MAN1A2: variants seen among roughly 807,000 people sequenced by gnomAD.
MAN1A2 encodes mannosyl-oligosaccharide 1,2-alpha-mannosidase IB.
MAN1A2 carries 26 observed loss-of-function variants against 75.7 expected under a neutral mutation model. The ratio of observed to expected loss-of-function variants is 0.34; its 90% CI spans 0.25 to 0.48. The LOEUF (loss-of-function observed/expected upper bound fraction) is 0.48. Among genes scored for constraint, MAN1A2 ranks in the 20% least tolerant of loss-of-function variants. The pLI is 0.99. For synonymous variants in MAN1A2, 247 were observed against 264.6 expected, an observed-to-expected ratio of 0.93 and a Z score of 0.65; for missense variants, 562 against 775.5, an observed-to-expected ratio of 0.72 and a Z score of 3.27.
intron 6 of MAN1A2, among the ~76,000 whole-genome samples, chr1:117,450,729 G>A (rs1406977375): frequency 1.3e-5 from 2 of 152,222 alleles, no homozygotes; most frequent in Non-Finnish European, 2.9e-5. Flanking sequence ...CTCAGACTAT[G>A]GCTTCAGAGG....
chr1:117,462,067 C>T (rs950192652), intron 7 of MAN1A2, among the ~76,000 whole-genome samples: 14 of 152,150 alleles, frequency 9.2e-5, no homozygotes, highest in African/African-American at 3.4e-4. Context: ...TAACAAGTGT[C>T]GCACTGTGGA....
chr1:117,479,293 T>A (rs569842134), intron 8 of MAN1A2, among the ~76,000 whole-genome samples: 1 of 152,148 alleles, frequency 6.6e-6, no homozygotes, highest in East Asian at 1.9e-4. Flanking sequence ...TTTTTATGGC[T>A]GAATAGTATT....
Position 117,368,097 on chromosome 1 carries a change from G to T in MAN1A2, c.-87G>T. ...GAGCAAAATTGAGTTTTCCCATTTT[G>T]GCCAAGATTTTGAAGACAGTTCAAT... On this transcript the variant is annotated 5_prime_UTR_variant, in exon 1 of 13. Coordinates refer to ENST00000356554, the MANE Select transcript of MAN1A2 (RefSeq NM_006699.5). 1 of 1,341,838 alleles carries T rather than the reference G, an allele frequency of 7.5e-7. No homozygotes were observed. The allele number at this position is 1,341,838 out of a possible 1,614,324, so 83.1% of individuals were successfully genotyped here.
At chr1:117,430,646 T>C in intron 5 of MAN1A2, among the ~76,000 whole-genome samples, 1 of 69,390 alleles carries the variant, frequency 1.4e-5, no homozygotes, top group African/African-American at 6.2e-5. Context: ...ACTTCCTAGA[T>C]GTGATGGCGG....
Position 117,385,491 on chromosome 1 carries a change from T to C in MAN1A2, c.303-16695T>C, listed in dbSNP as rs193024290. Among the ~76,000 whole-genome samples the C allele has an allele frequency of 1.6e-3, 242 of 152,288 alleles. 6 individuals carry two copies. Among genetic ancestry groups the C allele is most frequent in the Non-Finnish European group, 5.7e-4 (39 of 68,018 alleles). ...TCATCTACACCATATTCAGAGTAACTTGGAGTGTTAATCATATAGGTAGGA... is the reference window on the plus strand; with the variant it reads ...TCATCTACACCATATTCAGAGTAACCTGGAGTGTTAATCATATAGGTAGGA... On this transcript the variant is annotated intron_variant, in intron 1 of 12. Coordinates refer to ENST00000356554, the MANE Select transcript of MAN1A2 (RefSeq NM_006699.5).
At chr1:117,451,276 C>T (rs1403803459) in intron 6 of MAN1A2, among the ~76,000 whole-genome samples, 1 of 152,182 alleles carries the variant, frequency 6.6e-6, no homozygotes, top group East Asian at 1.9e-4. Context: ...TTTGTTTTGG[C>T]CAATTTATCC....
chr1:117,526,903 T>TATATATATATA lies in MAN1A2; in HGVS notation c.*3952_*3953insATATAATATAT. 1 of 144,006 alleles carries TATATATATATA rather than the reference T, an allele frequency of 6.9e-6. No homozygotes were observed. Among genetic ancestry groups the TATATATATATA allele is most frequent in the African/African-American group, 2.5e-5 (1 of 39,548 alleles). 8.9% of individuals were successfully genotyped at this position (144,006 alleles called of 1,614,324 possible). A position where few individuals can be genotyped will look rare whatever the true frequency, so the allele number is the denominator to read the frequency against. On this transcript the variant is annotated 3_prime_UTR_variant, in exon 13 of 13. Coordinates refer to ENST00000356554, the MANE Select transcript of MAN1A2 (RefSeq NM_006699.5). ...CTCTATATATATATATATATATATA[T>TATATATATATA]ATATATGAGAGATATATGAGATATA...
chr1:117,399,893 A>AC (rs367726142), intron 1 of MAN1A2, among the ~76,000 whole-genome samples: 21 of 152,154 alleles, frequency 1.4e-4, no homozygotes, highest in African/African-American at 5.1e-4. Context: ...TTTTATGGCT[A>AC]CCCTTAGCTG....
At chr1:117,418,246 C>G (rs1333652267) in intron 4 of MAN1A2, among the ~76,000 whole-genome samples, 2 of 152,124 alleles carry the variant, frequency 1.3e-5, no homozygotes, top group African/African-American at 4.8e-5. Context: ...AGAGTTTTAT[C>G]TCTTTTTTGT....
chr1:117,432,702 C>T (rs72691715), intron 5 of MAN1A2, among the ~76,000 whole-genome samples: 1 of 151,934 alleles, frequency 6.6e-6, no homozygotes, highest in Non-Finnish European at 1.5e-5. Context: ...ATCATTCTTC[C>T]CCAGAGGAAC....
rs79250957 is a variant in MAN1A2 at position 117,438,602 on chromosome 1, C to T, written c.856-3629C>T. On this transcript the variant is annotated intron_variant, in intron 5 of 12. Transcript: ENST00000356554. ...AGAGAATTTTCAGTACTGCAGGTTT[C>T]GTTCATGGTCAGTGCCCTGTACAGA... Among the ~76,000 whole-genome samples the T allele has an allele frequency of 6.7e-3, 1,015 of 152,294 alleles. 18 individuals are homozygous for T. The highest frequency in any genetic ancestry group is 0.022 in the African/African-American group (917 of 41,560).
At chr1:117,455,773 G>A (rs1649562548) in intron 6 of MAN1A2, among the ~76,000 whole-genome samples, 1 of 151,880 alleles carries the variant, frequency 6.6e-6, no homozygotes, top group African/African-American at 2.4e-5. Flanking sequence ...GGAAGAGGTA[G>A]AGGGCTTAGA....
intron 10 of MAN1A2, among the ~76,000 whole-genome samples, chr1:117,497,338 T>C (rs998309824): frequency 6.6e-6 from 1 of 151,976 alleles, no homozygotes; most frequent in Admixed American, 6.6e-5. Context: ...TTGACTGACT[T>C]CAGTTATATT....
chr1:117,480,006 G>A (rs1019625569), intron 8 of MAN1A2, among the ~76,000 whole-genome samples: 1 of 151,882 alleles, frequency 6.6e-6, no homozygotes, highest in Admixed American at 6.6e-5. Flanking sequence ...TGTGAATTAT[G>A]AATTTTTCTT....
At chr1:117,407,515 C>T (rs75240834) in intron 3 of MAN1A2, among the ~76,000 whole-genome samples, 41 of 152,098 alleles carry the variant, frequency 2.7e-4, no homozygotes, top group African/African-American at 8.9e-4. Context: ...GATACTGAAC[C>T]TTTGCTTGCA....
At position 117,496,924 on chromosome 1, in the gene MAN1A2, TTATTTAG is replaced by T; in HGVS notation, c.1447_1453del (p.Tyr483SerfsTer2). ...GTTCCAGAGCAGATAAAGCTGGTCA[TTATTTAG>T]AGCTAGGGGCAGAAATTGCACGTAC... is the stretch of plus-strand genomic sequence containing the variant. On this transcript the variant is annotated frameshift_variant, in exon 10 of 13. Coordinates refer to ENST00000356554, the MANE Select transcript of MAN1A2 (RefSeq NM_006699.5). LOFTEE classifies it high-confidence loss of function. 6.2e-7 allele frequency: 1 copy of T among 1,612,620 alleles called. No individual in the cohort carries two copies. The highest frequency in any genetic ancestry group is 8.5e-7 in the Non-Finnish European group (1 of 1,179,152).
chr1:117,512,750 T>TGC (rs1553241969), intron 12 of MAN1A2, among the ~76,000 whole-genome samples: 1 of 143,766 alleles, frequency 7.0e-6, no homozygotes, highest in Admixed American at 7.1e-5. Flanking sequence ...GGCACTGGGA[T>TGC]ACACACACAC....
intron 6 of MAN1A2, among the ~76,000 whole-genome samples, chr1:117,452,792 G>A (rs1649465011): frequency 1.3e-5 from 2 of 152,226 alleles, no homozygotes; most frequent in African/African-American, 4.8e-5. Context: ...TAAGGTAATT[G>A]TTGAAGGTGG....
chr1:117,471,304 T>C (rs914237271), intron 8 of MAN1A2, among the ~76,000 whole-genome samples: 3 of 151,906 alleles, frequency 2.0e-5, no homozygotes, highest in African/African-American at 4.8e-5. Flanking sequence ...AGAAAATTCA[T>C]GTGGATCATA....
Sources: gnomAD v4.1 joint callset for allele counts (sites outside exome capture counted in the v4.1 genomes callset) on GRCh38, gnomAD v4.1.1 for gene constraint, MANE v1.5 for transcripts, NCBI Gene and HGNC (gene_info 2026-07-23, HGNC 2026-07-21) for gene names.